PARD3: variants seen among roughly 807,000 people sequenced by gnomAD.
PARD3 encodes partitioning defective 3 homolog.
A neutral mutation model predicts 155.4 loss-of-function variants in PARD3; 75 were observed. That is an observed-to-expected ratio of 0.48 (90% CI 0.40 to 0.58). The LOEUF (loss-of-function observed/expected upper bound fraction) is 0.58, where lower values mean the gene tolerates loss of function less well. PARD3 is among the 20% of genes least tolerant of loss of function. The probability of loss-of-function intolerance (pLI) is 0.00; values close to 1 mark genes in which losing one functional copy is unlikely to be tolerated. For missense variants in PARD3, 1,642 were observed against 1,721.7 expected, an observed-to-expected ratio of 0.95 and a Z score of 0.82; for synonymous variants, 576 against 610.5, an observed-to-expected ratio of 0.94 and a Z score of 0.83.
intron 10 of PARD3, among the ~76,000 whole-genome samples, 178 bp downstream of exon 10, chr10:34,377,789 T>A (rs1026248402): frequency 6.6e-6 from 1 of 151,938 alleles, no homozygotes; most frequent in Non-Finnish European, 1.5e-5. Context: ...TAAAAAAATA[T>A]ATATAAAAAA....
chr10:34,743,653 T>G (rs972299515), intron 1 of PARD3, among the ~76,000 whole-genome samples: 1 of 152,226 alleles, frequency 6.6e-6, no homozygotes, highest in East Asian at 1.9e-4. Flanking sequence ...ACATCCTAAC[T>G]AGCCTTGATA....
chr10:34,305,240 G>A (rs1957345134), intron 20 of PARD3, among the ~76,000 whole-genome samples: 1 of 152,234 alleles, frequency 6.6e-6, no homozygotes, highest in African/African-American at 2.4e-5. Flanking sequence ...AGCCTGTCAA[G>A]GCATACCTCA....
intron 14 of PARD3, among the ~76,000 whole-genome samples, chr10:34,353,184 C>A (rs936023245): frequency 2.0e-5 from 3 of 151,700 alleles, no homozygotes; most frequent in Non-Finnish European, 4.4e-5. Context: ...GTGGGGGGCG[C>A]GTCTGCCTGG....
At chr10:34,692,075 T>C (rs1432794167) in intron 2 of PARD3, among the ~76,000 whole-genome samples, 1 of 151,766 alleles carries the variant, frequency 6.6e-6, no homozygotes, top group African/African-American at 2.4e-5. Context: ...CTACTAAAAA[T>C]ACAAAAATTA....
intron 22 of PARD3, among the ~76,000 whole-genome samples, chr10:34,168,006 GT>G (rs1295356556): frequency 2.0e-5 from 3 of 151,364 alleles, no homozygotes; most frequent in African/African-American, 4.8e-5. Flanking sequence ...TGAAACATGA[GT>G]TTTTTTTTGA....
At chr10:34,510,605 AT>A (rs2081347575) in intron 3 of PARD3, among the ~76,000 whole-genome samples, 1 of 152,186 alleles carries the variant, frequency 6.6e-6, no homozygotes, top group South Asian at 2.1e-4. Context: ...TCGGTGCTAT[AT>A]GGAGTGGGGG....
intron 2 of PARD3, among the ~76,000 whole-genome samples, chr10:34,533,742 G>A (rs1423459529): frequency 6.6e-6 from 1 of 151,364 alleles, no homozygotes; most frequent in Non-Finnish European, 1.5e-5. Context: ...GGAGGCGGAG[G>A]TTACAGTGAG....
chr10:34,681,907 T>C (rs181729177), intron 2 of PARD3, among the ~76,000 whole-genome samples: 7 of 148,266 alleles, frequency 4.7e-5, no homozygotes, highest in South Asian at 4.4e-4. Context: ...AGGCATGAGC[T>C]ACCAGCACCC....
At chr10:34,783,537 G>A (rs889185731) in intron 1 of PARD3, among the ~76,000 whole-genome samples, 1 of 149,880 alleles carries the variant, frequency 6.7e-6, no homozygotes, top group East Asian at 2.0e-4. Flanking sequence ...CCGGGAGGCG[G>A]AGCTTGCAGT....
intron 2 of PARD3, among the ~76,000 whole-genome samples, chr10:34,614,009 A>C (rs939267593): frequency 2.0e-5 from 3 of 152,214 alleles, no homozygotes; most frequent in Non-Finnish European, 2.9e-5. Flanking sequence ...AAAAGTTTAT[A>C]AACAGGGAAA....
intron 9 of PARD3, among the ~76,000 whole-genome samples, chr10:34,378,781 A>G (rs1841518118): frequency 6.6e-6 from 1 of 152,216 alleles, no homozygotes. Context: ...CATGGCTACC[A>G]AATCTGGGGA....
chr10:34,511,054 C>T (rs948575917), intron 3 of PARD3, among the ~76,000 whole-genome samples: 3 of 152,178 alleles, frequency 2.0e-5, no homozygotes, highest in Admixed American at 6.5e-5. Context: ...TTTCTAATAA[C>T]TTATAAATTC....
intron 2 of PARD3, among the ~76,000 whole-genome samples, chr10:34,612,016 C>T (rs776214029): frequency 3.5e-4 from 51 of 145,118 alleles, no homozygotes; most frequent in Admixed American, 1.2e-3. Context: ...TTAGTAGAGA[C>T]GGGGTTTCAC....
intron 20 of PARD3, among the ~76,000 whole-genome samples, chr10:34,312,614 C>A (rs1353496914): frequency 6.6e-6 from 1 of 152,146 alleles, no homozygotes; most frequent in Non-Finnish European, 1.5e-5. Context: ...TTATCTATTT[C>A]CTCTTCAAAA....
At chr10:34,351,251 GT>G (rs3842233) in intron 14 of PARD3, among the ~76,000 whole-genome samples, 5 of 151,436 alleles carry the variant, frequency 3.3e-5, no homozygotes, top group Middle Eastern at 3.4e-3. Context: ...CAATATTTCA[GT>G]TTTTTTTTAG....
intron 5 of PARD3, among the ~76,000 whole-genome samples, chr10:34,428,306 T>C (rs566738940): frequency 2.6e-5 from 4 of 152,284 alleles, no homozygotes; most frequent in Admixed American, 2.6e-4. Context: ...CCAACATAAC[T>C]AAAAGCTCTT....
intron 22 of PARD3, among the ~76,000 whole-genome samples, chr10:34,211,066 G>A (rs16935234): frequency 2.6e-5 from 4 of 152,086 alleles, no homozygotes; most frequent in South Asian, 2.1e-4. Context: ...CTACTTCACC[G>A]GGTTGACGTG....
chr10:34,342,646 A>G (rs1836955838), intron 15 of PARD3, among the ~76,000 whole-genome samples: 3 of 152,310 alleles, frequency 2.0e-5, no homozygotes, highest in African/African-American at 4.8e-5. Flanking sequence ...TTTTCAGGCC[A>G]TGACTGAGGA....
intron 2 of PARD3, among the ~76,000 whole-genome samples, chr10:34,520,126 A>AT (rs1255154025): frequency 2.0e-5 from 3 of 152,216 alleles, no homozygotes; most frequent in African/African-American, 4.8e-5. Flanking sequence ...ACTCATAATT[A>AT]CAGTCCTCAT....
Sources: allele counts gnomAD v4.1 joint callset (sites outside exome capture counted in the v4.1 genomes callset), GRCh38; gene constraint gnomAD v4.1.1; transcripts MANE v1.5; gene names NCBI Gene and HGNC (gene_info 2026-07-23, HGNC 2026-07-21).